MDGA1: variants seen among roughly 807,000 people sequenced by gnomAD.
MDGA1 encodes the protein MAM domain containing glycosylphosphatidylinositol anchor 1.
MDGA1 carries 54 observed loss-of-function variants against 101.5 expected under a neutral mutation model. The observed-to-expected ratio is 0.53, with a 90% confidence interval of 0.43 to 0.67. MDGA1 has a LOEUF of 0.67. MDGA1 is among the 30% of genes least tolerant of loss of function. The pLI, the probability that MDGA1 is intolerant of heterozygous loss-of-function variation, is 0.00. For missense variants in MDGA1, 1,083 were observed against 1,323.8 expected (o/e 0.82, Z 2.82); for synonymous variants, 533 against 558.3 (o/e 0.95, Z 0.64).
intron 1 of MDGA1, among the ~76,000 whole-genome samples, chr6:37,680,125 C>A (rs373928497): frequency 6.6e-6 from 1 of 152,214 alleles, no homozygotes; most frequent in Non-Finnish European, 1.5e-5. Flanking sequence ...TTACTCCCCT[C>A]CCGGGGGCGG....
intron 1 of MDGA1, among the ~76,000 whole-genome samples, chr6:37,693,323 G>A (rs74796720): frequency 0.012 from 1,860 of 152,264 alleles, 31 homozygotes; most frequent in African/African-American, 0.042. Context: ...CCCCAGAGGA[G>A]GGAAAAAAAC....
In MDGA1 at chr6:37,646,331, A is replaced by G. The variant is rs374050732; in HGVS notation, c.2091T>C (p.Arg697=). Residue 697 remains arginine (R), a synonymous_variant, in exon 11 of 17, where the codon CGT becomes CGC. Coordinates refer to ENST00000434837, the MANE Select transcript of MDGA1 (RefSeq NM_153487.4). Reference sequence around the variant, plus strand: ...ACTCCAGCAGCTGCCCCTTCTCCACACGCCGGACCGGGATGGCCTTGACCA... The same window carrying G: ...ACTCCAGCAGCTGCCCCTTCTCCACGCGCCGGACCGGGATGGCCTTGACCA... ...NAVVKAIPVR[R]VEKGQLLEYI... The G allele has an allele frequency of 6.8e-5, 108 of 1,582,816 alleles. No homozygotes were observed. The highest frequency in any genetic ancestry group is 8.8e-5 in the Non-Finnish European group (102 of 1,163,586).
At position 37,637,493 on chromosome 6, in the gene MDGA1, G is replaced by C. The variant is rs1368471480; in HGVS notation, c.2777-34C>G. ...GGGGAGAAAGAGGAGACAGGCCAGG[G>C]CTCTGGTCAGCTCTGGCAGGGGCAG... On this transcript the variant is annotated intron_variant, in intron 16 of 16. Transcript: ENST00000434837. 8 of 1,573,944 alleles carry C rather than the reference G, an allele frequency of 5.1e-6. No homozygotes were observed. The African/African-American group carries it at 1.1e-4, about 21-fold the overall frequency.
rs549544588 is a variant in MDGA1, at chr6:37,673,673, T to C, written c.68-9567A>G. Reference sequence around the variant, plus strand: ...GCTCTCTGCAGAGCTGGCTGGAGCCTGTCCTCTGTTCACCACCAGCCGGGG... The same window carrying C: ...GCTCTCTGCAGAGCTGGCTGGAGCCCGTCCTCTGTTCACCACCAGCCGGGG... On this transcript the variant is annotated intron_variant, in intron 1 of 16. Coordinates refer to ENST00000434837, the MANE Select transcript of MDGA1 (RefSeq NM_153487.4). 3.9e-5 allele frequency among the ~76,000 whole-genome samples: 6 copies of C among 152,144 alleles called. No homozygotes were observed. The East Asian group carries it at 9.7e-4, about 25-fold the overall frequency.
intron 12 of MDGA1, 100 bp downstream of exon 12, chr6:37,645,833 C>T: frequency 7.2e-7 from 1 of 1,393,796 alleles, no homozygotes. Context: ...TTCATTTTCT[C>T]TCTGACTATC....
chr6:37,691,510 A>C (rs1581635555), intron 1 of MDGA1, among the ~76,000 whole-genome samples: 1 of 152,140 alleles, frequency 6.6e-6, no homozygotes, highest in Admixed American at 6.5e-5. Flanking sequence ...TCCCTGAAAA[A>C]ACCATGACCA....
At chr6:37,642,264 C>T (rs989337964) in intron 14 of MDGA1, among the ~76,000 whole-genome samples, 2 of 149,672 alleles carry the variant, frequency 1.3e-5, no homozygotes, top group Non-Finnish European at 3.0e-5. Context: ...ACGGCAACCT[C>T]CACCTCCTGG....
At chr6:37,671,303 T>C (rs538080641) in intron 1 of MDGA1, among the ~76,000 whole-genome samples, 6 of 152,344 alleles carry the variant, frequency 3.9e-5, no homozygotes, top group African/African-American at 9.6e-5. Flanking sequence ...TAACTTGGTT[T>C]AACTCAGTGC....
At chr6:37,686,790 CCAT>C (rs919364376) in intron 1 of MDGA1, among the ~76,000 whole-genome samples, 38 of 152,268 alleles carry the variant, frequency 2.5e-4, no homozygotes, top group African/African-American at 7.9e-4. Flanking sequence ...AGAACCACCA[CCAT>C]GAGAAGAGCA....
intron 2 of MDGA1, among the ~76,000 whole-genome samples, chr6:37,661,862 A>G (rs6911875): frequency 0.84 from 128,311 of 152,030 alleles, 54,534 homozygotes; most frequent in East Asian, 1. Context: ...GTGCAGGAAC[A>G]GATTGAAGGG....
chr6:37,689,813 G>A (rs922510672), intron 1 of MDGA1, among the ~76,000 whole-genome samples: 3 of 152,158 alleles, frequency 2.0e-5, no homozygotes, highest in African/African-American at 7.2e-5. Context: ...CACTTTTAGT[G>A]CTTAATGATG....
chr6:37,668,087 C>A (rs144393462), intron 1 of MDGA1, among the ~76,000 whole-genome samples: 5 of 151,646 alleles, frequency 3.3e-5, no homozygotes, highest in Non-Finnish European at 5.9e-5. Flanking sequence ...TCTGTCTCTA[C>A]AAAAACTGCA....
Position 37,650,312 on chromosome 6 carries a change from G to A in MDGA1, c.1406C>T (p.Pro469Leu). ...AELQCEVRGKPRPPVLWSRVD... is the reference protein window; with the variant it reads ...AELQCEVRGKLRPPVLWSRVD... ...GCGGGACCAGAGCACTGGCGGCCGCGGCTTGCCCCGCACCTCGCATTGCAG... is the reference window on the plus strand; with the variant it reads ...GCGGGACCAGAGCACTGGCGGCCGCAGCTTGCCCCGCACCTCGCATTGCAG... Residue 469 changes from proline to leucine, a missense_variant, in exon 8 of 17, where the codon CCG becomes CTG. Pro to Leu is a moderately conservative substitution (Grantham distance 98). Around this residue, in one of 3 missense-constraint regions of MDGA1, gnomAD observed 657 missense variants for 771.4 expected, o/e 0.85. Coordinates refer to ENST00000434837, the MANE Select transcript of MDGA1 (RefSeq NM_153487.4). 6.3e-7 allele frequency: 1 copy of A among 1,592,450 alleles called. No individual in the cohort carries two copies. Among genetic ancestry groups the A allele is most frequent in the Non-Finnish European group, 8.5e-7 (1 of 1,172,176 alleles).
rs780416032 is a variant in MDGA1 at position 37,637,492 on chromosome 6, G to A, written c.2777-33C>T. On this transcript the variant is annotated intron_variant, in intron 16 of 16. Coordinates refer to ENST00000434837, the MANE Select transcript of MDGA1 (RefSeq NM_153487.4). ...AGGGGAGAAAGAGGAGACAGGCCAG[G>A]GCTCTGGTCAGCTCTGGCAGGGGCA... 1.9e-6 allele frequency: 3 copies of A among 1,585,248 alleles called. No individual in the cohort carries two copies. In the Admixed American group the frequency reaches 5.0e-5, roughly 27 times the overall value.
Position 37,647,156 on chromosome 6 carries a change from G to C in MDGA1, c.2046+17C>G. 6.3e-7 allele frequency: 1 copy of C among 1,583,466 alleles called. No homozygotes were observed. Among genetic ancestry groups the C allele is most frequent in the East Asian group, 2.3e-5 (1 of 43,676 alleles). ...ACACTCCACCTGCCCCCAGGCCCCC[G>C]CTCCCCCTTGGCCCACCTGGCGGAT... is the stretch of plus-strand genomic sequence containing the variant. On this transcript the variant is annotated intron_variant, in intron 10 of 16. Coordinates refer to ENST00000434837, the MANE Select transcript of MDGA1 (RefSeq NM_153487.4).
intron 1 of MDGA1, among the ~76,000 whole-genome samples, chr6:37,664,735 A>G (rs750025059): frequency 6.6e-6 from 1 of 150,840 alleles, no homozygotes; most frequent in Non-Finnish European, 1.5e-5. Flanking sequence ...TGCCTCACTC[A>G]TTCCCTCAGT....
rs535043558 is a variant in MDGA1, at chr6:37,674,184, T to C, written c.68-10078A>G. 2.2e-4 allele frequency among the ~76,000 whole-genome samples: 34 copies of C among 152,220 alleles called. No individual in the cohort carries two copies. In the South Asian group the frequency reaches 6.9e-3, roughly 31 times the overall value. Reference sequence around the variant, plus strand: ...TTTCTGCTCATCAAAACCAAACCCATATTCAGCCAACCTTCCCTTTGGCTG... The same window carrying C: ...TTTCTGCTCATCAAAACCAAACCCACATTCAGCCAACCTTCCCTTTGGCTG... On this transcript the variant is annotated intron_variant, in intron 1 of 16. Transcript: ENST00000434837.
chr6:37,657,926 CTG>C (rs111477699), intron 3 of MDGA1, among the ~76,000 whole-genome samples: 3,737 of 152,306 alleles, frequency 0.025, 133 homozygotes, highest in African/African-American at 0.075. Context: ...CCTCTCAGCT[CTG>C]AGGCTACCCC....
rs143586678 is a variant in MDGA1, at chr6:37,651,656, T to C, written c.1312+355A>G. On this transcript the variant is annotated intron_variant, in intron 7 of 16. Transcript: ENST00000434837. ...CAACTCCCAAGCCCTCTACACACCG[T>C]ACAGGCTAAAGAGTAGTCTCTCCCT... Among the ~76,000 whole-genome samples the C allele has an allele frequency of 5.9e-5, 9 of 152,250 alleles. No individual in the cohort carries two copies. In the East Asian group the frequency reaches 1.7e-3, roughly 29 times the overall value.
Sources: gnomAD v4.1 joint callset for allele counts (sites outside exome capture counted in the v4.1 genomes callset) on GRCh38, gnomAD v4.1.1 for gene constraint, gnomAD v4.1.1 regional missense constraint, MANE v1.5 for transcripts, NCBI Gene and HGNC (gene_info 2026-07-23, HGNC 2026-07-21) for gene names.